The following KIF3B variants were observed in gnomAD, a reference collection of about 807,000 sequenced individuals.
KIF3B encodes kinesin-like protein KIF3B.
A neutral mutation model predicts 74.3 loss-of-function variants in KIF3B; 38 were observed. That is an observed-to-expected ratio of 0.51 (90% CI 0.39 to 0.67). The LOEUF is 0.67. Ranked by LOEUF, KIF3B falls within the 30% of genes least tolerant of loss-of-function variation. The pLI is 0.00. For missense variants in KIF3B, 649 were observed against 932.0 expected (o/e 0.70, Z 3.95); for synonymous variants, 326 against 342.5 (o/e 0.95, Z 0.53).
chr20:32,310,503 C>T lies in KIF3B; in HGVS notation c.726C>T (p.Asn242=). 3.1e-6 allele frequency: 5 copies of T among 1,613,850 alleles called. No homozygotes were observed. Among genetic ancestry groups the T allele is most frequent in the South Asian group, 1.1e-5 (1 of 91,080 alleles). Residue 242 remains asparagine (N), a synonymous_variant, in exon 2 of 9, where the codon AAC becomes AAT. Coordinates refer to ENST00000375712, the MANE Select transcript of KIF3B (RefSeq NM_004798.4). This position sits in a 1 kb window ranked among gnomAD's most constrained non-coding sequence, Gnocchi z 6.5. ...GENHIRVGKL[N]LVDLAGSERQ... ...ACCACATCCGTGTAGGAAAATTGAA[C>T]CTTGTAGATCTTGCTGGCAGCGAAC...
intron 1 of KIF3B, among the ~76,000 whole-genome samples, chr20:32,292,242 T>C (rs145872812): frequency 1.1e-3 from 168 of 152,192 alleles, no homozygotes; most frequent in Non-Finnish European, 2.0e-3. Context: ...GCTTGGTCCT[T>C]GTACATTTCT....
intron 1 of KIF3B, among the ~76,000 whole-genome samples, chr20:32,305,893 T>G (rs2122685313): frequency 6.6e-6 from 1 of 151,786 alleles, no homozygotes; most frequent in South Asian, 2.1e-4. Flanking sequence ...CATTTTCTTA[T>G]TTGCATTCCA....
intron 5 of KIF3B, among the ~76,000 whole-genome samples, chr20:32,318,166 A>G (rs180739916): frequency 0.011 from 1,666 of 152,080 alleles, 14 homozygotes; most frequent in Non-Finnish European, 0.018. Flanking sequence ...GCTGGGTGTG[A>G]TGGCGTGTAC....
intron 5 of KIF3B, among the ~76,000 whole-genome samples, chr20:32,317,619 A>C (rs766465286): frequency 1.3e-4 from 20 of 151,478 alleles, no homozygotes; most frequent in Non-Finnish European, 2.6e-4. Flanking sequence ...ATACTTATAT[A>C]TATATATATA....
chr20:32,297,140 T>A (rs965695376), intron 1 of KIF3B, among the ~76,000 whole-genome samples: 4 of 152,160 alleles, frequency 2.6e-5, no homozygotes, highest in African/African-American at 9.6e-5. Flanking sequence ...ATGGCTCATG[T>A]GATCTTTGGC....
intron 1 of KIF3B, among the ~76,000 whole-genome samples, chr20:32,304,186 T>G (rs998691690): frequency 6.6e-6 from 1 of 152,236 alleles, no homozygotes; most frequent in African/African-American, 2.4e-5. Flanking sequence ...AGAAGAAATA[T>G]GAAAAGCAAC....
chr20:32,290,306 C>G (rs1451992329), intron 1 of KIF3B, among the ~76,000 whole-genome samples: 1 of 152,032 alleles, frequency 6.6e-6, no homozygotes, highest in South Asian at 2.1e-4. Context: ...TCCCTTGAAC[C>G]TGGGAGGTGG....
chr20:32,314,623 C>G (rs1280419693), intron 2 of KIF3B, among the ~76,000 whole-genome samples: 1 of 151,976 alleles, frequency 6.6e-6, no homozygotes, highest in Admixed American at 6.6e-5. Flanking sequence ...CCCCTTCATT[C>G]GAGAGGTGAG....
chr20:32,318,174 T>A (rs1160409387), intron 5 of KIF3B, among the ~76,000 whole-genome samples: 5 of 152,046 alleles, frequency 3.3e-5, no homozygotes, highest in South Asian at 4.2e-4. Context: ...TGATGGCGTG[T>A]ACCTGTAATC....
intron 5 of KIF3B, among the ~76,000 whole-genome samples, chr20:32,318,852 A>T (rs2047841820): frequency 6.6e-6 from 1 of 152,096 alleles, no homozygotes; most frequent in African/African-American, 2.4e-5. Context: ...TAGGAGTGGA[A>T]TTGCTGGGTC....
intron 2 of KIF3B, among the ~76,000 whole-genome samples, chr20:32,314,494 C>A (rs190597937): frequency 6.6e-6 from 1 of 151,462 alleles, no homozygotes; most frequent in East Asian, 1.9e-4. Flanking sequence ...GAGCCAAGAT[C>A]ATGCCACTGC....
intron 1 of KIF3B, among the ~76,000 whole-genome samples, chr20:32,292,882 A>G (rs980210893): frequency 6.6e-6 from 1 of 152,242 alleles, no homozygotes; most frequent in African/African-American, 2.4e-5. Context: ...TATGTTCAGT[A>G]TAGCCACTGC....
chr20:32,322,723 T>TA lies in KIF3B; in HGVS notation c.1749-4048_1749-4047insA, dbSNP rs1491144142. Among the ~76,000 whole-genome samples the TA allele has an allele frequency of 3.0e-3, 181 of 60,902 alleles. 28 individuals are homozygous for TA. Among genetic ancestry groups the TA allele is most frequent in the East Asian group, 0.011 (5 of 472 alleles). The allele number at this position is 60,902 out of a possible 152,430, so 40.0% of individuals were successfully genotyped here. On this transcript the variant is annotated intron_variant, in intron 5 of 8. Transcript: ENST00000375712. ...ATTTATATATTTATATATATTTATA[T>TA]TTATTTATTTATATATATTTATTTA...
chr20:32,323,559 C>T (rs752229039), intron 5 of KIF3B, among the ~76,000 whole-genome samples: 5 of 151,892 alleles, frequency 3.3e-5, no homozygotes, highest in Admixed American at 1.3e-4. Context: ...TGAGCCACCA[C>T]GCCCAGCCAA....
chr20:32,281,641 T>C (rs2047643440), intron 1 of KIF3B, among the ~76,000 whole-genome samples: 1 of 152,102 alleles, frequency 6.6e-6, no homozygotes, highest in African/African-American at 2.4e-5. Flanking sequence ...TGCTTGAACC[T>C]GGGAAGCAGA....
intron 2 of KIF3B, among the ~76,000 whole-genome samples, chr20:32,314,976 A>C (rs6141670): frequency 0.37 from 56,172 of 151,594 alleles, 11,121 homozygotes; most frequent in East Asian, 0.74. Flanking sequence ...GCCAGCAGCC[A>C]CTCCCTCTCA....
At chr20:32,320,212 T>C (rs949422870) in intron 5 of KIF3B, among the ~76,000 whole-genome samples, 1 of 152,128 alleles carries the variant, frequency 6.6e-6, no homozygotes, top group Non-Finnish European at 1.5e-5. Flanking sequence ...AAGAGTTCTT[T>C]ATATTAATAT....
chr20:32,281,330 G>A (rs2047641994), intron 1 of KIF3B, among the ~76,000 whole-genome samples: 1 of 152,186 alleles, frequency 6.6e-6, no homozygotes, highest in South Asian at 2.1e-4. Flanking sequence ...TTCAAATTCA[G>A]TGTACTTACC....
chr20:32,310,916 G>A lies in KIF3B; in HGVS notation c.1139G>A (p.Arg380Gln), dbSNP rs750822805. ...CGGTCCATTGGTAGGAGGAAGAGGC[G>A]AGAGAAGCGGAGGGAAGGTGGTGGC... ...EKRSIGRRKR[R>Q]EKRREGGGSG... Residue 380 changes from arginine (R) to glutamine (Q), a missense_variant, in exon 2 of 9, where the codon CGA becomes CAA. Coordinates refer to ENST00000375712, the MANE Select transcript of KIF3B (RefSeq NM_004798.4). This position sits in a 1 kb window ranked among gnomAD's most constrained non-coding sequence, Gnocchi z 6.5. The A allele has an allele frequency of 6.8e-6, 11 of 1,610,128 alleles. No individual in the cohort carries two copies. The highest frequency in any genetic ancestry group is 2.2e-5 in the East Asian group (1 of 44,818).
Sources: allele counts gnomAD v4.1 joint callset (sites outside exome capture counted in the v4.1 genomes callset), GRCh38; gene constraint gnomAD v4.1.1; non-coding constraint Gnocchi (gnomAD v3.1); transcripts MANE v1.5; gene names NCBI Gene and HGNC (gene_info 2026-07-23, HGNC 2026-07-21).